CAST: variants seen among roughly 807,000 people sequenced by gnomAD.
CAST encodes the protein MIR583 host.
A neutral mutation model predicts 119.6 loss-of-function variants in CAST; 76 were observed. The observed-to-expected ratio is 0.64, with a 90% confidence interval of 0.53 to 0.77. The LOEUF is 0.77. Among genes scored for constraint, CAST ranks in the 30% least tolerant of loss-of-function variants. The probability of loss-of-function intolerance (pLI) is 0.00; values close to 1 mark genes in which losing one functional copy is unlikely to be tolerated. For synonymous variants in CAST, 319 were observed against 331.6 expected (o/e 0.96, Z 0.41); for missense variants, 953 against 946.5 (o/e 1.01, Z -0.09).
chr5:96,113,960 A>G, the CAST span, among the ~76,000 whole-genome samples: 4 of 152,358 alleles, frequency 2.6e-5, no homozygotes, highest in South Asian at 8.3e-4. Flanking sequence ...TTTTGTCATC[A>G]TCAGTCCCTC....
chr5:96,597,706 CACCT>C (rs1237595342), intron 1 of CAST, among the ~76,000 whole-genome samples: 1 of 152,166 alleles, frequency 6.6e-6, no homozygotes, highest in African/African-American at 2.4e-5. Flanking sequence ...GCCTTCTTTT[CACCT>C]TCTTTCTTTC....
chr5:96,493,193 T>C, the CAST span, among the ~76,000 whole-genome samples: 1 of 152,234 alleles, frequency 6.6e-6, no homozygotes, highest in East Asian at 1.9e-4. Flanking sequence ...GATTCCTACA[T>C]GTAAAAATAT....
At chr5:96,131,442 CAT>C in the CAST span, among the ~76,000 whole-genome samples, 22 of 151,664 alleles carry the variant, frequency 1.5e-4, 1 homozygote, top group South Asian at 4.2e-4. Flanking sequence ...CACACACACA[CAT>C]ACATACTAAA....
chr5:96,204,700 T>C, the CAST span, among the ~76,000 whole-genome samples: 1 of 151,992 alleles, frequency 6.6e-6, no homozygotes, highest in Non-Finnish European at 1.5e-5. Flanking sequence ...CAGAAAGAAG[T>C]GAGTTTTCCT....
chr5:96,660,198 C>T (rs1748239026), upstream of CAST, among the ~76,000 whole-genome samples: 1 of 152,186 alleles, frequency 6.6e-6, no homozygotes, highest in Non-Finnish European at 1.5e-5. Context: ...TGCCCCCACC[C>T]CTTCTCCTTC....
At chr5:96,522,190 C>G (rs1233085705), upstream of CAST, among the ~76,000 whole-genome samples, 1 of 152,140 alleles carries the variant, frequency 6.6e-6, no homozygotes, top group East Asian at 1.9e-4. Flanking sequence ...GATTCAAGGC[C>G]TTAATTCTCA....
At chr5:96,475,919 G>T in the CAST span, among the ~76,000 whole-genome samples, 32 of 152,288 alleles carry the variant, frequency 2.1e-4, no homozygotes, top group Non-Finnish European at 4.1e-4. Context: ...AGAGAGAAAT[G>T]GGGAGCCAGA....
At chr5:96,547,477 T>C (rs1016210839) in intron 1 of CAST, among the ~76,000 whole-genome samples, 2 of 152,240 alleles carry the variant, frequency 1.3e-5, no homozygotes, top group Non-Finnish European at 2.9e-5. Context: ...TTCTGCCTTT[T>C]TGTTCTATTT....
intron 3 of CAST, among the ~76,000 whole-genome samples, chr5:96,720,806 A>G (rs1758100599): frequency 6.6e-6 from 1 of 152,264 alleles, no homozygotes; most frequent in African/African-American, 2.4e-5. Context: ...GATTTAATAC[A>G]TTTGGATGTG....
rs1762755949 is a variant in CAST, at chr5:96,741,848, A to C, written c.1098+268A>C. ...CCATTATGATACACAGAAGGGCAGA[A>C]ACCAGAGAAATTGCACTCTTGGAAC... On this transcript the variant is annotated intron_variant, in intron 15 of 31. Coordinates refer to ENST00000675179, the MANE Select transcript of CAST (RefSeq NM_001750.7). 3.0e-5 allele frequency: 10 copies of C among 330,216 alleles called. No individual in the cohort carries two copies. The South Asian group carries it at 4.6e-4, about 15-fold the overall frequency. 20.5% of individuals were successfully genotyped at this position (330,216 alleles called of 1,614,324 possible).
At chr5:96,252,601 T>C in the CAST span, among the ~76,000 whole-genome samples, 1 of 152,124 alleles carries the variant, frequency 6.6e-6, no homozygotes, top group Non-Finnish European at 1.5e-5. Context: ...AGCAACCCGT[T>C]TGGATTGCAC....
intron 1 of CAST, among the ~76,000 whole-genome samples, chr5:96,557,254 C>T (rs1469643613): frequency 5.3e-5 from 8 of 149,844 alleles, no homozygotes; most frequent in South Asian, 2.1e-4. Context: ...ACTGCAAAAA[C>T]ATGCCAAATT....
At chr5:96,667,205 A>G (rs1445753507) in intron 1 of CAST, among the ~76,000 whole-genome samples, 2 of 152,230 alleles carry the variant, frequency 1.3e-5, no homozygotes, top group African/African-American at 4.8e-5. Flanking sequence ...TTTCCTAAAA[A>G]TGTATGAAAT....
intron 1 of CAST, among the ~76,000 whole-genome samples, chr5:96,539,038 A>G (rs560330834): frequency 2.0e-5 from 3 of 152,370 alleles, no homozygotes; most frequent in African/African-American, 7.2e-5. Context: ...ATCAATGACT[A>G]ACATTTGCAG....
At chr5:96,271,919 A>C in the CAST span, among the ~76,000 whole-genome samples, 1 of 152,224 alleles carries the variant, frequency 6.6e-6, no homozygotes, top group Non-Finnish European at 1.5e-5. Flanking sequence ...TAGCAAAAAA[A>C]CAAATATTCT....
chr5:96,017,543 A>G, the CAST span, among the ~76,000 whole-genome samples: 1 of 152,316 alleles, frequency 6.6e-6, no homozygotes, highest in East Asian at 1.9e-4. Context: ...TATTGTGGTC[A>G]CATGTCTTTC....
chr5:96,286,901 A>G, the CAST span, among the ~76,000 whole-genome samples: 2 of 152,168 alleles, frequency 1.3e-5, no homozygotes, highest in African/African-American at 2.4e-5. Flanking sequence ...TAAAATTCAC[A>G]GTAATTCAAT....
At chr5:96,171,209 C>A in the CAST span, among the ~76,000 whole-genome samples, 29 of 152,270 alleles carry the variant, frequency 1.9e-4, no homozygotes, top group Admixed American at 3.9e-4. Context: ...ATGGAGAAAT[C>A]GAAAGTGCCA....
chr5:96,485,725 A>G, the CAST span, among the ~76,000 whole-genome samples: 7 of 152,260 alleles, frequency 4.6e-5, no homozygotes, highest in East Asian at 1.4e-3. Context: ...CCCAAAGTGT[A>G]CTTGTTCTGG....
Sources: gnomAD v4.1 joint callset for allele counts (sites outside exome capture counted in the v4.1 genomes callset) on GRCh38, gnomAD v4.1.1 for gene constraint, MANE v1.5 for transcripts, NCBI Gene and HGNC (gene_info 2026-07-23, HGNC 2026-07-21) for gene names.